AKAP13: variants seen among roughly 807,000 people sequenced by gnomAD.
The protein encoded by AKAP13 is A-kinase anchoring protein 13.
In AKAP13, 80 loss-of-function variants were observed where a neutral mutation model predicts 264.5. The ratio of observed to expected loss-of-function variants is 0.30; its 90% CI spans 0.25 to 0.36. The LOEUF (loss-of-function observed/expected upper bound fraction) is 0.36. AKAP13 is among the 10% of genes least tolerant of loss of function. The pLI, the probability that AKAP13 is intolerant of heterozygous loss-of-function variation, is 1.00. For synonymous variants in AKAP13, 1,380 were observed against 1,250.2 expected (o/e 1.10, Z -2.19); for missense variants, 3,712 against 3,435.2 (o/e 1.08, Z -2.01).
chr15:85,550,598 C>T (rs184622023), intron 5 of AKAP13, among the ~76,000 whole-genome samples: 39 of 152,306 alleles, frequency 2.6e-4, no homozygotes, highest in South Asian at 6.2e-4. Context: ...CTTTTAGATT[C>T]CTCTTCAGGT....
chr15:85,559,796 T>C (rs1487072918), intron 5 of AKAP13, among the ~76,000 whole-genome samples: 2 of 127,130 alleles, frequency 1.6e-5, no homozygotes, highest in South Asian at 4.4e-4. Flanking sequence ...CTGCACTTAC[T>C]TCCTACTGTG....
intron 5 of AKAP13, among the ~76,000 whole-genome samples, chr15:85,560,780 T>TA (rs989781153): frequency 6.6e-6 from 1 of 152,216 alleles, no homozygotes; most frequent in Non-Finnish European, 1.5e-5. Context: ...TTGCTTCTGT[T>TA]AAATTATTTC....
At chr15:85,733,162 TAG>T (rs2088179063) in intron 30 of AKAP13, among the ~76,000 whole-genome samples, 1 of 152,252 alleles carries the variant, frequency 6.6e-6, no homozygotes, top group Non-Finnish European at 1.5e-5. Context: ...ATGAGAGTAA[TAG>T]TCCATGAGCT....
intron 18 of AKAP13, among the ~76,000 whole-genome samples, chr15:85,710,222 C>T (rs892535087): frequency 2.0e-5 from 3 of 152,124 alleles, no homozygotes; most frequent in African/African-American, 4.8e-5. Flanking sequence ...CTGGGGAAGA[C>T]GGACAGTTAC....
At chr15:85,488,600 C>T (rs1457497662) in intron 2 of AKAP13, among the ~76,000 whole-genome samples, 1 of 152,190 alleles carries the variant, frequency 6.6e-6, no homozygotes, top group East Asian at 1.9e-4. Context: ...AATATCTGAG[C>T]TTCCCGTTGT....
chr15:85,716,054 A>G, intron 20 of AKAP13, 131 bp downstream of exon 20: 2 of 1,175,140 alleles, frequency 1.7e-6, no homozygotes, highest in Non-Finnish European at 2.3e-6. Context: ...TGGTGCAGAC[A>G]AGGACGATGG....
At chr15:85,385,532 C>T (rs1366264613) in intron 1 of AKAP13, among the ~76,000 whole-genome samples, 1 of 152,208 alleles carries the variant, frequency 6.6e-6, no homozygotes, top group Admixed American at 6.5e-5. Flanking sequence ...CTTTTGTACT[C>T]AACCGGTTCT....
At chr15:85,546,052 C>T (rs2077725696) in intron 5 of AKAP13, among the ~76,000 whole-genome samples, 1 of 152,064 alleles carries the variant, frequency 6.6e-6, no homozygotes, top group African/African-American at 2.4e-5. Flanking sequence ...TTCTAGGTAC[C>T]TCATATAAGT....
At chr15:85,596,014 C>T (rs1211303847) in intron 8 of AKAP13, among the ~76,000 whole-genome samples, 3 of 152,184 alleles carry the variant, frequency 2.0e-5, no homozygotes, top group Admixed American at 2.0e-4. Context: ...GTGATGTAGA[C>T]ATTTTGCTTC....
chr15:85,736,149 A>C lies in AKAP13; in HGVS notation c.7557+15A>C, dbSNP rs1597223132. The C allele has an allele frequency of 5.0e-6, 8 of 1,586,264 alleles. No homozygotes were observed. The highest frequency in any genetic ancestry group is 6.9e-6 in the Non-Finnish European group (8 of 1,156,626). ...GAAACAGTGAGGTAAGGACATTATG[A>C]ACTATTTAAGAAAATATGTGTTTGT... On this transcript the variant is annotated intron_variant, in intron 33 of 36. Transcript: ENST00000394518.
chr15:85,600,700 A>G (rs1029491194), intron 8 of AKAP13, among the ~76,000 whole-genome samples: 1 of 152,248 alleles, frequency 6.6e-6, no homozygotes, highest in Non-Finnish European at 1.5e-5. Flanking sequence ...CTTTTAAAGG[A>G]ATATATTCCC....
chr15:85,545,675 C>A (rs1314842253), intron 5 of AKAP13, among the ~76,000 whole-genome samples: 2 of 152,148 alleles, frequency 1.3e-5, no homozygotes, highest in Non-Finnish European at 2.9e-5. Context: ...AGAAAAAGTT[C>A]TGAGTCATAA....
chr15:85,611,753 T>TCAGCTGGGGCTGGCCTCG (rs1361490069), intron 8 of AKAP13, among the ~76,000 whole-genome samples: 1 of 152,242 alleles, frequency 6.6e-6, no homozygotes, highest in East Asian at 1.9e-4. Flanking sequence ...AGTAACATGT[T>TCAGCTGGGGCTGGCCTCG]CAGCTGGGGC....
intron 5 of AKAP13, among the ~76,000 whole-genome samples, chr15:85,551,691 T>C (rs993747979): frequency 2.0e-5 from 3 of 152,234 alleles, no homozygotes; most frequent in Non-Finnish European, 4.4e-5. Flanking sequence ...TGGTCAGAGT[T>C]GTGAAATTAC....
chr15:85,463,677 T>C (rs1273051694), intron 1 of AKAP13, among the ~76,000 whole-genome samples: 3 of 152,200 alleles, frequency 2.0e-5, no homozygotes, highest in Non-Finnish European at 4.4e-5. Flanking sequence ...TTCTTGTTTC[T>C]GAGAAAGGGC....
intron 8 of AKAP13, among the ~76,000 whole-genome samples, chr15:85,594,892 G>A (rs1343638117): frequency 2.6e-5 from 4 of 152,080 alleles, no homozygotes; most frequent in African/African-American, 4.8e-5. Context: ...CACTATTTAC[G>A]GAGTTGTCCA....
At chr15:85,715,385 C>T (rs895267486) in intron 19 of AKAP13, among the ~76,000 whole-genome samples, 3 of 152,158 alleles carry the variant, frequency 2.0e-5, no homozygotes, top group Middle Eastern at 3.2e-3. Flanking sequence ...CATTGAATAA[C>T]TTTGGACATA....
rs745968743 is a variant in AKAP13 at position 85,580,328 on chromosome 15, A to G, written c.2260A>G (p.Asn754Asp). The change falls in exon 7 of 37, where the codon AAT (asparagine) becomes GAT (aspartate). Residue 754 changes from asparagine to aspartate, a missense_variant. By Grantham distance (23) the Asn-to-Asp change is conservative. Around this residue, in one of 3 missense-constraint regions of AKAP13, gnomAD observed 2,759 missense variants for 2,411.7 expected, o/e 1.14. Transcript: ENST00000394518. ...KDVKLDKPLTNMLEVVSHPHP... is the reference protein window; with the variant it reads ...KDVKLDKPLTDMLEVVSHPHP... ...TGTGAAACTAGATAAACCTTTAACAAATATGCTTGAGGTGGTTTCACATCC... is the reference window on the plus strand; with the variant it reads ...TGTGAAACTAGATAAACCTTTAACAGATATGCTTGAGGTGGTTTCACATCC... 1.2e-6 allele frequency: 2 copies of G among 1,614,252 alleles called. No homozygotes were observed. Among genetic ancestry groups the G allele is most frequent in the South Asian group, 1.1e-5 (1 of 91,084 alleles).
chr15:85,661,988 G>A (rs2083373851), intron 12 of AKAP13, among the ~76,000 whole-genome samples: 1 of 151,888 alleles, frequency 6.6e-6, no homozygotes, highest in African/African-American at 2.4e-5. Context: ...TAGGATTAGA[G>A]ATACTATGGT....
Sources: allele counts gnomAD v4.1 joint callset (sites outside exome capture counted in the v4.1 genomes callset), GRCh38; gene constraint gnomAD v4.1.1; regional missense constraint gnomAD v4.1.1; transcripts MANE v1.5; gene names NCBI Gene and HGNC (gene_info 2026-07-23, HGNC 2026-07-21).